DMXL2: variants seen among roughly 807,000 people sequenced by gnomAD.
The protein encoded by DMXL2 is Dmx like 2, also known as dmX-like protein 2.
A neutral mutation model predicts 331.1 loss-of-function variants in DMXL2; 103 were observed. That is an observed-to-expected ratio of 0.31 (90% CI 0.27 to 0.37). The LOEUF is 0.37. Ranked by LOEUF, DMXL2 falls within the 10% of genes least tolerant of loss-of-function variation. The pLI is 1.00. For missense variants in DMXL2, 3,171 were observed against 3,642.9 expected (o/e 0.87, Z 3.33); for synonymous variants, 1,281 against 1,252.1 (o/e 1.02, Z -0.49).
chr15:51,547,239 T>C lies in DMXL2; in HGVS notation c.737A>G (p.Tyr246Cys), dbSNP rs199553696. The C allele has an allele frequency of 6.2e-6, 10 of 1,608,982 alleles. No individual in the cohort carries two copies. Among genetic ancestry groups the C allele is most frequent in the Non-Finnish European group, 8.5e-6 (10 of 1,178,018 alleles). The change falls in exon 7 of 44, where the codon TAT becomes TGT. Residue 246 changes from tyrosine (Y) to cysteine (C), a missense_variant. This residue lies in a region of DMXL2 where 1,674 missense variants were observed against 1,780.2 expected (regional missense o/e 0.94). Transcript: ENST00000560891. ...TGFSWRKTSKYMPRGSVCNVL... is the reference protein window; with the variant it reads ...TGFSWRKTSKCMPRGSVCNVL... Reference sequence around the variant, plus strand: ...GATTCATTCATCTAACCTGGGCATATACTTGCTAGTTTTGCGCCACGAAAA... The same window carrying C: ...GATTCATTCATCTAACCTGGGCATACACTTGCTAGTTTTGCGCCACGAAAA...
chr15:51,498,694 A>G lies in DMXL2; in HGVS notation c.4530T>C (p.His1510=). Reference sequence around the variant, plus strand: ...TAAGATGACTTGAAAGTACCCTTGCATGTTCTTGGCCAAAGTAAGCTGGTC... The same window carrying G: ...TAAGATGACTTGAAAGTACCCTTGCGTGTTCTTGGCCAAAGTAAGCTGGTC... The part of the protein sequence containing the change: ...QYGPAYFGQE[H]ARVLSSHLMH... The change falls in exon 18 of 44, where the codon CAT becomes CAC. Residue 1510 remains histidine, a synonymous_variant. Coordinates refer to ENST00000560891, the MANE Select transcript of DMXL2 (RefSeq NM_001378457.1). 2 of 1,614,150 alleles carry G rather than the reference A, an allele frequency of 1.2e-6. No individual in the cohort carries two copies. The highest frequency in any genetic ancestry group is 1.3e-5 in the African/African-American group (1 of 75,046).
At chr15:51,552,503 C>T (rs2049286444) in intron 6 of DMXL2, among the ~76,000 whole-genome samples, 1 of 152,184 alleles carries the variant, frequency 6.6e-6, no homozygotes, top group Non-Finnish European at 1.5e-5. Context: ...CACAGTTAGG[C>T]CTGTACTATC....
chr15:51,578,349 C>T (rs1201909984), intron 1 of DMXL2, among the ~76,000 whole-genome samples: 2 of 152,162 alleles, frequency 1.3e-5, no homozygotes, highest in African/African-American at 4.8e-5. Context: ...GATGTGCCAT[C>T]CCTAGCAACT....
rs777521242 is a variant in DMXL2 at position 51,536,216 on chromosome 15, G to C, written c.2264C>G (p.Ala755Gly). 1.2e-6 allele frequency: 2 copies of C among 1,611,798 alleles called. No homozygotes were observed. Among genetic ancestry groups the C allele is most frequent in the East Asian group, 4.5e-5 (2 of 44,868 alleles). Residue 755 changes from alanine (A) to glycine (G), a missense_variant, in exon 12 of 44, where the codon GCG (alanine) becomes GGG (glycine). By Grantham distance (60) the Ala-to-Gly change is moderately conservative (BLOSUM62 0). Coordinates refer to ENST00000560891, the MANE Select transcript of DMXL2 (RefSeq NM_001378457.1). ...LARINSLHTS[A>G]FSNVAWLPTL... Reference sequence around the variant, plus strand: ...TGGAAGCCAAGCCACATTAGAGAACGCTGAGGTATGTAAAGAGTTAATTCG... The same window carrying C: ...TGGAAGCCAAGCCACATTAGAGAACCCTGAGGTATGTAAAGAGTTAATTCG...
Position 51,582,987 on chromosome 15 carries a change from T to A in DMXL2, c.88-6806A>T, listed in dbSNP as rs1416797016. ...TATATAAAAGTATATCTTTTATATA[T>A]CTTCTTTTAACATAAATGGGATCAT... On this transcript the variant is annotated intron_variant, in intron 1 of 43. Transcript: ENST00000560891. Among the ~76,000 whole-genome samples the A allele has an allele frequency of 2.0e-5, 3 of 151,990 alleles. No homozygotes were observed. The East Asian group carries it at 5.8e-4, about 29-fold the overall frequency.
chr15:51,580,155 T>C (rs564639529), intron 1 of DMXL2, among the ~76,000 whole-genome samples: 14 of 152,198 alleles, frequency 9.2e-5, no homozygotes, highest in Non-Finnish European at 2.1e-4. Context: ...ACAAAATCTA[T>C]AATTTACTCA....
At chr15:51,484,739 A>T (rs552788876) in intron 23 of DMXL2, among the ~76,000 whole-genome samples, 35 of 152,360 alleles carry the variant, frequency 2.3e-4, no homozygotes, top group Non-Finnish European at 4.9e-4. Flanking sequence ...ACAAGGAAAC[A>T]TGAAATGCCA....
intron 42 of DMXL2, 43 bp from the exon 43 acceptor site, chr15:51,450,389 T>C (rs745318225): frequency 6.3e-7 from 1 of 1,589,384 alleles, no homozygotes; most frequent in Non-Finnish European, 8.6e-7. Context: ...AACAATTTCT[T>C]GTCTTGGTAA....
intron 11 of DMXL2, 84 bp downstream of exon 11, chr15:51,537,404 C>G: frequency 7.1e-7 from 1 of 1,400,902 alleles, no homozygotes; most frequent in Non-Finnish European, 9.4e-7. Context: ...TTCAGTAATT[C>G]TAAAAACATG....
intron 10 of DMXL2, 37 bp from the exon 11 acceptor site, chr15:51,537,796 A>G: frequency 6.3e-7 from 1 of 1,580,178 alleles, no homozygotes; most frequent in Non-Finnish European, 8.6e-7. Flanking sequence ...ACAAGCATTA[A>G]ATAATTCATT....
chr15:51,499,192 A>G lies in DMXL2; in HGVS notation c.4032T>C (p.Leu1344=). 1 of 1,614,072 alleles carries G rather than the reference A, an allele frequency of 6.2e-7. No individual in the cohort carries two copies. The highest frequency in any genetic ancestry group is 8.5e-7 in the Non-Finnish European group (1 of 1,179,998). The change falls in exon 18 of 44, where the codon CTT becomes CTC. Residue 1344 remains leucine, a synonymous_variant. Coordinates refer to ENST00000560891, the MANE Select transcript of DMXL2 (RefSeq NM_001378457.1). ...FEAAHVLSPT[L]PQYHPTQLLE... is the part of the protein sequence containing the mutation. ...ACAGCTGAGTTGGATGATATTGTGG[A>G]AGAGTAGGGGAAAGTACATGTGCAG...
Position 51,564,206 on chromosome 15 carries a change from T to C in DMXL2, c.419A>G (p.Asp140Gly), listed in dbSNP as rs755235241. The C allele has an allele frequency of 4.3e-6, 7 of 1,609,324 alleles. No homozygotes were observed. In the African/African-American group the frequency reaches 6.7e-5, roughly 15 times the overall value. ...TTCTTCCTCCTCTTCCAGAATATCATCTCCTGGAGGAGCCCACAACTGAAT... is the reference window on the plus strand; with the variant it reads ...TTCTTCCTCCTCTTCCAGAATATCACCTCCTGGAGGAGCCCACAACTGAAT... ...DSIQLWAPPG[D>G]DILEEEEEID... is the part of the protein sequence containing the mutation. The change falls in exon 5 of 44, where the codon GAT becomes GGT. Residue 140 changes from aspartate (D) to glycine (G), a missense_variant. By Grantham distance (94) the Asp-to-Gly change is moderately conservative. Transcript: ENST00000560891.
chr15:51,542,839 A>T (rs1056497941), intron 8 of DMXL2, among the ~76,000 whole-genome samples: 8 of 146,194 alleles, frequency 5.5e-5, no homozygotes, highest in African/African-American at 2.0e-4. Context: ...TCATAAGAGT[A>T]AAAAAAAAAA....
intron 17 of DMXL2, 26 bp downstream of exon 17, chr15:51,502,780 A>G (rs1243121046): frequency 1.3e-6 from 2 of 1,514,306 alleles, no homozygotes; most frequent in Non-Finnish European, 1.8e-6. Flanking sequence ...CTGAGCTACC[A>G]CTGCCCAGTC....
chr15:51,453,791 T>G lies in DMXL2; in HGVS notation c.8605-150A>C, dbSNP rs1450109019. On this transcript the variant is annotated intron_variant, in intron 40 of 43. Coordinates refer to ENST00000560891, the MANE Select transcript of DMXL2 (RefSeq NM_001378457.1). ...TCTAGGATAAAAGAATAAGTGATAG[T>G]ATGAGGCTTAACTGTCATGTGTATA... The G allele has an allele frequency of 9.6e-6, 6 of 627,204 alleles. No homozygotes were observed. In the South Asian group the frequency reaches 1.2e-4, roughly 13 times the overall value. The allele number at this position is 627,204 out of a possible 1,614,324, so 38.9% of individuals were successfully genotyped here. A position where few individuals can be genotyped will look rare whatever the true frequency, so the allele number is the denominator to read the frequency against.
At chr15:51,578,467 T>C (rs1209239423) in intron 1 of DMXL2, among the ~76,000 whole-genome samples, 1 of 152,180 alleles carries the variant, frequency 6.6e-6, no homozygotes, top group Non-Finnish European at 1.5e-5. Flanking sequence ...ATGTGTACTA[T>C]ACTCCATTTT....
chr15:51,525,898 C>G (rs1160529475), intron 13 of DMXL2, among the ~76,000 whole-genome samples: 2 of 152,042 alleles, frequency 1.3e-5, no homozygotes. Flanking sequence ...AGGACACAGG[C>G]CCGGCTGACT....
chr15:51,467,726 CTTCTT>C (rs1305543980), intron 29 of DMXL2, among the ~76,000 whole-genome samples: 1 of 141,466 alleles, frequency 7.1e-6, no homozygotes, highest in Non-Finnish European at 1.6e-5. Flanking sequence ...GGACCTAGTA[CTTCTT>C]TTTTTTTTTT....
At chr15:51,468,005 C>T (rs1288336074) in intron 29 of DMXL2, among the ~76,000 whole-genome samples, 3 of 152,136 alleles carry the variant, frequency 2.0e-5, no homozygotes, top group South Asian at 2.1e-4. Flanking sequence ...GGATTACAGG[C>T]GTGAGCCACC....
Sources: allele counts gnomAD v4.1 joint callset (sites outside exome capture counted in the v4.1 genomes callset), GRCh38; gene constraint gnomAD v4.1.1; regional missense constraint gnomAD v4.1.1; transcripts MANE v1.5; gene names NCBI Gene and HGNC (gene_info 2026-07-23, HGNC 2026-07-21).